Variants in PLK3 observed in about 807,000 individuals in gnomAD.
PLK3 encodes polo like kinase 3.
Under a neutral mutation model 71.6 loss-of-function variants are expected in PLK3, and 41 were observed. That is an observed-to-expected ratio of 0.57 (90% CI 0.45 to 0.74). The LOEUF (loss-of-function observed/expected upper bound fraction) is 0.74, where lower values mean the gene tolerates loss of function less well. Ranked by LOEUF, PLK3 falls within the 30% of genes least tolerant of loss-of-function variation. The pLI is 0.00. For missense variants in PLK3, 791 were observed against 875.6 expected (o/e 0.90, Z 1.22); for synonymous variants, 366 against 355.4 (o/e 1.03, Z -0.33).
Position 44,803,326 on chromosome 1 carries a change from C to T in PLK3, c.1007C>T (p.Pro336Leu). ...TGCGTGACAGTCCCAGACCTGACAC[C>T]CCCCAACCCAGCTAGGAGTCTGTTT... ...SSCVTVPDLT[P>L]PNPARSLFAK... Residue 336 changes from proline to leucine, a missense_variant, in exon 8 of 15, where the codon CCC becomes CTC. Pro to Leu is a moderately conservative substitution (Grantham distance 98). Coordinates refer to ENST00000372201, the MANE Select transcript of PLK3 (RefSeq NM_004073.4). The surrounding 1 kb of genome is among the most constrained non-coding windows in gnomAD (Gnocchi z 4.3). 4.3e-6 allele frequency: 7 copies of T among 1,614,012 alleles called. No homozygotes were observed. Among genetic ancestry groups the T allele is most frequent in the African/African-American group, 1.3e-5 (1 of 75,012 alleles).
At position 44,802,942 on chromosome 1, in the gene PLK3, C is replaced by G; in HGVS notation, c.750-13C>G. ...CTCCACTTTACTCCTGACCCCTTGG[C>G]CCTGCCCTATAGGTACACGCTGCTC... is the stretch of plus-strand genomic sequence containing the variant. On this transcript the variant is annotated splice_polypyrimidine_tract_variant and intron_variant, in intron 6 of 14. Coordinates refer to ENST00000372201, the MANE Select transcript of PLK3 (RefSeq NM_004073.4). The G allele has an allele frequency of 6.2e-7, 1 of 1,613,764 alleles. No homozygotes were observed.
In PLK3 at chr1:44,802,799, GC is replaced by G. The variant is rs1651874332; in HGVS notation, c.694del (p.Leu232CysfsTer2). 6.2e-7 allele frequency: 1 copy of G among 1,613,762 alleles called. No homozygotes were observed. The highest frequency in any genetic ancestry group is 2.2e-5 in the East Asian group (1 of 44,894). ...GTPNYVAPEVLLRQGHGPEAD... is the reference protein window; with the variant it reads ...GTPNYVAPEVXLRQGHGPEAD... ...CCCCCAACTATGTGGCTCCAGAAGT[GC>G]TGCTGAGACAGGGCCACGGCCCTGA... On this transcript the variant is annotated frameshift_variant, in exon 6 of 15. Coordinates refer to ENST00000372201, the MANE Select transcript of PLK3 (RefSeq NM_004073.4). LOFTEE classifies it high-confidence loss of function.
rs755116167 is a variant in PLK3, at chr1:44,801,130, T to G, written c.413T>G (p.Phe138Cys). The change falls in exon 3 of 15, where the codon TTC (phenylalanine) becomes TGC (cysteine). Residue 138 changes from phenylalanine (F) to cysteine (C), a missense_variant. Phe to Cys is a radical substitution (Grantham distance 205). Transcript: ENST00000372201. ...HFEDADNIYIFLELCSRKSLA... is the reference protein window; with the variant it reads ...HFEDADNIYICLELCSRKSLA... ...GAGGACGCTGACAACATCTACATTTTCTTGGAGCTCTGCAGCCGAAAGGTG... is the reference window on the plus strand; with the variant it reads ...GAGGACGCTGACAACATCTACATTTGCTTGGAGCTCTGCAGCCGAAAGGTG... The G allele has an allele frequency of 5.8e-5, 93 of 1,612,472 alleles. No individual in the cohort carries two copies. Among genetic ancestry groups the G allele is most frequent in the Non-Finnish European group, 7.0e-5 (83 of 1,178,956 alleles).
At position 44,801,035 on chromosome 1, in the gene PLK3, G is replaced by T. The variant is rs1477488276; in HGVS notation, c.319-1G>T. On this transcript the variant is annotated splice_acceptor_variant, in intron 2 of 14. Coordinates refer to ENST00000372201, the MANE Select transcript of PLK3 (RefSeq NM_004073.4). LOFTEE classifies it high-confidence loss of function. Reference sequence around the variant, plus strand: ...ATGACGACTCCGCGCCCTCATCGCAGATCCTAAATGAGATTGAGCTGCACC... The same window carrying T: ...ATGACGACTCCGCGCCCTCATCGCATATCCTAAATGAGATTGAGCTGCACC... The T allele has an allele frequency of 5.0e-6, 8 of 1,613,016 alleles. No homozygotes were observed. Among genetic ancestry groups the T allele is most frequent in the Non-Finnish European group, 5.9e-6 (7 of 1,179,422 alleles).
At position 44,804,464 on chromosome 1, in the gene PLK3, A is replaced by G. The variant is rs1651942037; in HGVS notation, c.1468A>G (p.Asn490Asp). 5 of 1,614,060 alleles carry G rather than the reference A, an allele frequency of 3.1e-6. No individual in the cohort carries two copies. The highest frequency in any genetic ancestry group is 1.7e-5 in the Admixed American group (1 of 60,006). ...CAGCCGCCGTGTGGCTGTGCTCTTCAACGATGGCACACATATGGCCCTGTC... is the reference window on the plus strand; with the variant it reads ...CAGCCGCCGTGTGGCTGTGCTCTTCGACGATGGCACACATATGGCCCTGTC... Reference protein sequence around the residue: ...LSSRRVAVLFNDGTHMALSAN... With the variant: ...LSSRRVAVLFDDGTHMALSAN... The change falls in exon 12 of 15, where the codon AAC (asparagine) becomes GAC (aspartate). Residue 490 changes from asparagine to aspartate, a missense_variant. Physicochemically the swap from Asn to Asp is conservative, Grantham distance 23 (BLOSUM62 1). Transcript: ENST00000372201.
At position 44,804,735 on chromosome 1, in the gene PLK3, A is replaced by G. The variant is rs764150341; in HGVS notation, c.1591A>G (p.Ile531Val). The part of the protein sequence containing the change: ...VPRALQPQLG[I>V]LRYFASYMEQ... ...CCGGGCCCTGCAGCCTCAGCTGGGT[A>G]TCCTGCGGTACTTCGCCTCCTACAT... The change falls in exon 13 of 15, where the codon ATC (isoleucine) becomes GTC (valine). Residue 531 changes from isoleucine (I) to valine (V), a missense_variant. Coordinates refer to ENST00000372201, the MANE Select transcript of PLK3 (RefSeq NM_004073.4). 2 of 1,614,080 alleles carry G rather than the reference A, an allele frequency of 1.2e-6. No individual in the cohort carries two copies. The highest frequency in any genetic ancestry group is 1.7e-5 in the Admixed American group (1 of 60,022).
intron 3 of PLK3, 24 bp from the exon 4 acceptor site, chr1:44,801,598 G>A: frequency 6.2e-7 from 1 of 1,609,748 alleles, no homozygotes; most frequent in South Asian, 1.1e-5. Context: ...GCTCACCAGG[G>A]GCTGAGGCAG....
Position 44,805,482 on chromosome 1 carries a change from T to C in PLK3, c.1750-5T>C, listed in dbSNP as rs748342262. The C allele has an allele frequency of 6.2e-7, 1 of 1,614,002 alleles. No homozygotes were observed. Among genetic ancestry groups the C allele is most frequent in the Non-Finnish European group, 8.5e-7 (1 of 1,179,850 alleles). On this transcript the variant is annotated splice_region_variant and splice_polypyrimidine_tract_variant and intron_variant, in intron 14 of 14. Transcript: ENST00000372201. ...GTCCTGACCACTGTCATGCTCTGTG[T>C]GCAGGTGAACTTCTACGGGGACCAC...
chr1:44,805,593 A>T lies in PLK3; in HGVS notation c.1856A>T (p.His619Leu). 1.2e-6 allele frequency: 2 copies of T among 1,613,936 alleles called. No homozygotes were observed. Among genetic ancestry groups the T allele is most frequent in the Non-Finnish European group, 8.5e-7 (1 of 1,179,954 alleles). Residue 619 changes from histidine to leucine, a missense_variant, in exon 15 of 15, where the codon CAC becomes CTC. His to Leu is a moderately conservative substitution (Grantham distance 99, BLOSUM62 -3). Coordinates refer to ENST00000372201, the MANE Select transcript of PLK3 (RefSeq NM_004073.4). Reference sequence around the variant, plus strand: ...AGTGCTTGTACTTACCTCGCTTCCCACCTTCGGCAGCTGGGCTGCTCTCCA... The same window carrying T: ...AGTGCTTGTACTTACCTCGCTTCCCTCCTTCGGCAGCTGGGCTGCTCTCCA... ...NRSACTYLAS[H>L]LRQLGCSPDL...
At position 44,804,675 on chromosome 1, in the gene PLK3, A is replaced by T; in HGVS notation, c.1531A>T (p.Thr511Ser). 6.2e-7 allele frequency: 1 copy of T among 1,614,074 alleles called. No homozygotes were observed. ...RKTVHYNPTS[T>S]KHFSFSVGAV... ...GACTGTGCACTACAATCCCACCAGCACAAAGCACTTCTCCTTCTCCGTGGG... is the reference window on the plus strand; with the variant it reads ...GACTGTGCACTACAATCCCACCAGCTCAAAGCACTTCTCCTTCTCCGTGGG... The change falls in exon 13 of 15, where the codon ACA (threonine) becomes TCA (serine). Residue 511 changes from threonine to serine, a missense_variant. Thr to Ser is a moderately conservative substitution (Grantham distance 58). Transcript: ENST00000372201.
chr1:44,803,042 GC>G lies in PLK3; in HGVS notation c.839del (p.Pro280LeufsTer50), dbSNP rs775855374. On this transcript the variant is annotated frameshift_variant, in exon 7 of 15. Coordinates refer to ENST00000372201, the MANE Select transcript of PLK3 (RefSeq NM_004073.4). LOFTEE classifies it high-confidence loss of function. This position sits in a 1 kb window ranked among gnomAD's most constrained non-coding sequence, Gnocchi z 4.3. ...RCIKQVHYTL[P>X]ASLSLPARQL... ...GCATCAAGCAGGTTCACTACACGCTGCCTGCCAGCCTCTCACTGCCTGCCCG... is the reference window on the plus strand; with the variant it reads ...GCATCAAGCAGGTTCACTACACGCTGCTGCCAGCCTCTCACTGCCTGCCCG... 1 of 1,613,782 alleles carries G rather than the reference GC, an allele frequency of 6.2e-7. No homozygotes were observed. Among genetic ancestry groups the G allele is most frequent in the African/African-American group, 1.3e-5 (1 of 74,896 alleles).
At position 44,800,440 on chromosome 1, in the gene PLK3, A is replaced by T. The variant is rs756897955; in HGVS notation, c.-24A>T. The T allele has an allele frequency of 9.1e-5, 120 of 1,323,632 alleles. No homozygotes were observed. The highest frequency in any genetic ancestry group is 2.5e-4 in the South Asian group (13 of 51,006). 82.0% of individuals were successfully genotyped at this position (1,323,632 alleles called of 1,614,324 possible). On this transcript the variant is annotated 5_prime_UTR_variant, in exon 1 of 15. Coordinates refer to ENST00000372201, the MANE Select transcript of PLK3 (RefSeq NM_004073.4). The surrounding 1 kb of genome is among the most constrained non-coding windows in gnomAD (Gnocchi z 6.5). ...GGCCGGGCGGAACCGAGAAGCCGGG[A>T]CCGCGCTGCGACGCGCCGGCCGCAT...
rs1214638865 is a variant in PLK3, at chr1:44,801,693, C to T, written c.507C>T (p.Ile169=). The change falls in exon 4 of 15, where the codon ATC becomes ATT. Residue 169 remains isoleucine, a synonymous_variant. Transcript: ENST00000372201. ...EPEVRYYLRQ[I]LSGLKYLHQR... ...AAGTGCGCTACTACCTGCGGCAGAT[C>T]CTTTCTGGCCTCAAGTACTTGCACC... 6.2e-7 allele frequency: 1 copy of T among 1,613,038 alleles called. No individual in the cohort carries two copies. The highest frequency in any genetic ancestry group is 8.5e-7 in the Non-Finnish European group (1 of 1,179,586).
Position 44,805,636 on chromosome 1 carries a change from C to T in PLK3, c.1899C>T (p.Leu633=). ...GCTCTCCAGACCTGCGGCAGCGACT[C>T]CGCTATGCTCTGCGCCTGCTCCGGG... ...LGCSPDLRQR[L]RYALRLLRDR... Residue 633 remains leucine (L), a synonymous_variant, in exon 15 of 15, where the codon CTC becomes CTT. Transcript: ENST00000372201. 6.2e-7 allele frequency: 1 copy of T among 1,613,972 alleles called. No individual in the cohort carries two copies. Among genetic ancestry groups the T allele is most frequent in the Non-Finnish European group, 8.5e-7 (1 of 1,180,008 alleles).
rs1651829499 is a variant in PLK3 at position 44,801,541 on chromosome 1, C to T, written c.436-81C>T. 8 of 1,475,992 alleles carry T rather than the reference C, an allele frequency of 5.4e-6. No homozygotes were observed. In the East Asian group the frequency reaches 1.6e-4, roughly 29 times the overall value. 91.4% of individuals were successfully genotyped at this position (1,475,992 alleles called of 1,614,324 possible). On this transcript the variant is annotated intron_variant, in intron 3 of 14. Coordinates refer to ENST00000372201, the MANE Select transcript of PLK3 (RefSeq NM_004073.4). ...AGTCTTAAGACCCAAAGCTGGGGCC[C>T]TGTTTCTTCCTCAGGGAGCACAGAT...
In PLK3 at chr1:44,800,832, C is replaced by T. The variant is rs1233692561; in HGVS notation, c.211-8C>T. The T allele has an allele frequency of 6.2e-7, 1 of 1,605,278 alleles. No homozygotes were observed. The highest frequency in any genetic ancestry group is 8.5e-7 in the Non-Finnish European group (1 of 1,176,706). ...TGGAACAACCAGCCTGATGCCCCCT[C>T]TTCACAGGGGGGCTTCGCCCGCTGC... On this transcript the variant is annotated splice_polypyrimidine_tract_variant and splice_region_variant and intron_variant, in intron 1 of 14. Coordinates refer to ENST00000372201, the MANE Select transcript of PLK3 (RefSeq NM_004073.4). This position sits in a 1 kb window ranked among gnomAD's most constrained non-coding sequence, Gnocchi z 6.5.
chr1:44,800,779 G>C lies in PLK3; in HGVS notation c.211-61G>C. On this transcript the variant is annotated intron_variant, in intron 1 of 14. Coordinates refer to ENST00000372201, the MANE Select transcript of PLK3 (RefSeq NM_004073.4). This position sits in a 1 kb window ranked among gnomAD's most constrained non-coding sequence, Gnocchi z 6.5. ...GTGGGCACTTGACCCCCAACGCGGG[G>C]ACGCCCGCGGGCCAGACTCGGCCCC... 6.4e-7 allele frequency: 1 copy of C among 1,552,542 alleles called. No homozygotes were observed. The highest frequency in any genetic ancestry group is 8.7e-7 in the Non-Finnish European group (1 of 1,148,732).
At position 44,805,797 on chromosome 1, in the gene PLK3, G is replaced by A; in HGVS notation, c.*119G>A. On this transcript the variant is annotated 3_prime_UTR_variant, in exon 15 of 15. Coordinates refer to ENST00000372201, the MANE Select transcript of PLK3 (RefSeq NM_004073.4). ...TTGGGCCGAATCCCCCAGGGAATCAGGGACCAGCTTTACTGGAGTTGGGGG... is the reference window on the plus strand; with the variant it reads ...TTGGGCCGAATCCCCCAGGGAATCAAGGACCAGCTTTACTGGAGTTGGGGG... 1 of 1,317,372 alleles carries A rather than the reference G, an allele frequency of 7.6e-7. No homozygotes were observed. Among genetic ancestry groups the A allele is most frequent in the Non-Finnish European group, 1.0e-6 (1 of 976,628 alleles). 81.6% of individuals were successfully genotyped at this position (1,317,372 alleles called of 1,614,324 possible).
chr1:44,804,026 T>G lies in PLK3; in HGVS notation c.1258+2T>G, dbSNP rs1051563376. ...GGACACTGGCAAGCAGTGGAGATGG[T>G]GAGGAGCCAGGGAGGATGAGAGGTG... On this transcript the variant is annotated splice_donor_variant, in intron 10 of 14. Coordinates refer to ENST00000372201, the MANE Select transcript of PLK3 (RefSeq NM_004073.4). LOFTEE classifies it high-confidence loss of function. 3 of 1,552,632 alleles carry G rather than the reference T, an allele frequency of 1.9e-6. No homozygotes were observed. In the African/African-American group the frequency reaches 4.1e-5, roughly 21 times the overall value.
Sources: gnomAD v4.1 joint callset for allele counts on GRCh38, gnomAD v4.1.1 for gene constraint, Gnocchi (gnomAD v3.1) non-coding constraint, MANE v1.5 for transcripts, NCBI Gene and HGNC (gene_info 2026-07-23, HGNC 2026-07-21) for gene names.